Variants in ANO3 observed in about 807,000 individuals in gnomAD.
ANO3 encodes the protein anoctamin-3.
Under a neutral mutation model 144.8 loss-of-function variants are expected in ANO3, and 99 were observed. The ratio of observed to expected loss-of-function variants is 0.68; its 90% CI spans 0.58 to 0.81. ANO3 has a LOEUF of 0.81. Ranked by LOEUF, ANO3 falls within the 30% of genes least tolerant of loss-of-function variation. The probability of loss-of-function intolerance (pLI) is 0.00; values close to 1 mark genes in which losing one functional copy is unlikely to be tolerated. For missense variants in ANO3, 905 were observed against 1,202.2 expected (o/e 0.75, Z 3.66); for synonymous variants, 414 against 392.6 (o/e 1.05, Z -0.64).
intron 13 of ANO3, among the ~76,000 whole-genome samples, chr11:26,556,857 A>C (rs1850096536): frequency 6.6e-6 from 1 of 152,110 alleles, no homozygotes; most frequent in South Asian, 2.1e-4. Flanking sequence ...CCAAGGAGGC[A>C]CCTTGTTCTC....
intron 14 of ANO3, chr11:26,561,156 G>A (rs777133919): frequency 1.2e-5 from 19 of 1,612,682 alleles, no homozygotes; most frequent in Non-Finnish European, 1.5e-5. Flanking sequence ...ATCATTCAAA[G>A]TTGGATTGTA....
At chr11:26,476,353 G>A (rs1859968739) in intron 4 of ANO3, among the ~76,000 whole-genome samples, 1 of 152,072 alleles carries the variant, frequency 6.6e-6, no homozygotes, top group African/African-American at 2.4e-5. Context: ...AGCAAGAAAT[G>A]AAAGATGAGA....
At chr11:26,251,855 T>C (rs1852935614) in intron 1 of ANO3, among the ~76,000 whole-genome samples, 1 of 152,166 alleles carries the variant, frequency 6.6e-6, no homozygotes, top group African/African-American at 2.4e-5. Flanking sequence ...GCAGACAGCA[T>C]GGGGGAAACT....
intron 4 of ANO3, among the ~76,000 whole-genome samples, chr11:26,465,090 G>T (rs2134061114): frequency 1.3e-5 from 2 of 150,294 alleles, no homozygotes; most frequent in South Asian, 4.2e-4. Flanking sequence ...TTATAAATTT[G>T]TTGGCCTTTC....
At chr11:26,464,296 G>T (rs1859521159) in intron 4 of ANO3, among the ~76,000 whole-genome samples, 1 of 151,690 alleles carries the variant, frequency 6.6e-6, no homozygotes, top group African/African-American at 2.4e-5. Flanking sequence ...TCTTTCTATG[G>T]TTACTAAATC....
chr11:26,316,699 G>A (rs940872200), intron 1 of ANO3, among the ~76,000 whole-genome samples: 4 of 152,092 alleles, frequency 2.6e-5, no homozygotes, highest in Non-Finnish European at 5.9e-5. Flanking sequence ...ATATGAACAG[G>A]TGCCCCCTCA....
rs187361056 is a variant in ANO3, at chr11:26,420,846, A to G, written c.47-21072A>G. ...AATTAACCATCTGTATTCTACCAGGACTCTCTTACAATGGGCATTATTTTT... is the reference window on the plus strand; with the variant it reads ...AATTAACCATCTGTATTCTACCAGGGCTCTCTTACAATGGGCATTATTTTT... On this transcript the variant is annotated intron_variant, in intron 1 of 26. Transcript: ENST00000256737. Among the ~76,000 whole-genome samples, 784 of 152,108 alleles carry G rather than the reference A, an allele frequency of 5.2e-3. 1 individual carries two copies. Among genetic ancestry groups the G allele is most frequent in the Middle Eastern group, 0.014 (4 of 294 alleles).
chr11:26,312,970 T>C (rs573041920), intron 1 of ANO3, among the ~76,000 whole-genome samples: 2 of 152,348 alleles, frequency 1.3e-5, no homozygotes, highest in East Asian at 3.9e-4. Flanking sequence ...GGAAATTCTG[T>C]TTAAATGAAT....
intron 17 of ANO3, among the ~76,000 whole-genome samples, chr11:26,606,133 T>G (rs573741090): frequency 1.3e-5 from 2 of 152,230 alleles, no homozygotes; most frequent in Non-Finnish European, 2.9e-5. Context: ...TCTTGTATGT[T>G]GTGTCTTTGT....
chr11:26,534,540 T>C lies in ANO3; in HGVS notation c.954T>C (p.Tyr318=). 2 of 1,612,046 alleles carry C rather than the reference T, an allele frequency of 1.2e-6. No individual in the cohort carries two copies. The highest frequency in any genetic ancestry group is 2.2e-5 in the East Asian group (1 of 44,760). Residue 318 remains tyrosine, a synonymous_variant, in exon 9 of 27, where the codon TAT becomes TAC. Coordinates refer to ENST00000256737, the MANE Select transcript of ANO3 (RefSeq NM_031418.4). ...ATCACATGCTGGAACGCACCAAATA[T>C]GAAAATGGAATATCAAAAGTGGGTA... ...IVYHMLERTK[Y]ENGISKVGIR...
Position 26,634,285 on chromosome 11 carries a change from C to G in ANO3, c.1955C>G (p.Ser652Cys). The change falls in exon 19 of 27, where the codon TCC becomes TGC. Residue 652 changes from serine (S) to cysteine (C), a missense_variant. Ser to Cys is a moderately radical substitution (Grantham distance 112, BLOSUM62 -1). This residue lies in a region of ANO3 where 597 missense variants were observed against 865.1 expected (regional missense o/e 0.69). Transcript: ENST00000256737. ...TTCCAGTTTGTCAATTTAAACAGTT[C>G]CATCTTCTATATCGCTTTCTTTTTG... ...FLFQFVNLNS[S>C]IFYIAFFLGR... is the part of the protein sequence containing the mutation. The G allele has an allele frequency of 6.2e-7, 1 of 1,613,258 alleles. No homozygotes were observed. Among genetic ancestry groups the G allele is most frequent in the Non-Finnish European group, 8.5e-7 (1 of 1,179,386 alleles).
In ANO3 at chr11:26,647,701, C is replaced by T. The variant is rs372599109; in HGVS notation, c.2429-8C>T. ...TTTGTTCACCATGATTAATCTTTCT[C>T]TTACCAGGTATCTGGCTTGGAATTC... On this transcript the variant is annotated splice_region_variant and splice_polypyrimidine_tract_variant and intron_variant, in intron 23 of 26. Coordinates refer to ENST00000256737, the MANE Select transcript of ANO3 (RefSeq NM_031418.4). 1.4e-5 allele frequency: 22 copies of T among 1,595,524 alleles called. No individual in the cohort carries two copies. The highest frequency in any genetic ancestry group is 1.3e-5 in the Non-Finnish European group (15 of 1,167,892).
chr11:26,487,427 T>G (rs1199254004), intron 4 of ANO3, among the ~76,000 whole-genome samples: 1 of 152,220 alleles, frequency 6.6e-6, no homozygotes, highest in African/African-American at 2.4e-5. Context: ...TGTGTGCCTT[T>G]ATCAGCAGTT....
rs888906984 is a variant in ANO3 at position 26,193,302 on chromosome 11, C to T, written c.154+3972C>T. Among the ~76,000 whole-genome samples the T allele has an allele frequency of 1.3e-4, 20 of 151,926 alleles. No individual in the cohort carries two copies. In the East Asian group the frequency reaches 2.5e-3, roughly 19 times the overall value. On this transcript the variant is annotated intron_variant, in intron 1 of 27. Coordinates refer to the ANO3 transcript ENST00000672621. ...GATTGCAGGCATGCACCACCACGCC[C>T]GGCTAATTTTTGTATTTTTACTAGA...
At chr11:26,199,466 G>A (rs949230780) in intron 1 of ANO3, among the ~76,000 whole-genome samples, 2 of 152,018 alleles carry the variant, frequency 1.3e-5, no homozygotes, top group African/African-American at 4.8e-5. Context: ...AATTCACGTG[G>A]GTCTTTTATG....
intron 1 of ANO3, among the ~76,000 whole-genome samples, chr11:26,439,323 T>C (rs1009695581): frequency 1.3e-5 from 2 of 152,104 alleles, no homozygotes; most frequent in African/African-American, 2.4e-5. Context: ...AATAGATAAA[T>C]TGAACTTTAT....
chr11:26,303,635 A>G (rs1854288616), intron 1 of ANO3, among the ~76,000 whole-genome samples: 1 of 152,216 alleles, frequency 6.6e-6, no homozygotes, highest in Admixed American at 6.5e-5. Flanking sequence ...CCATATCCCA[A>G]ACCTCAGCAT....
intron 1 of ANO3, among the ~76,000 whole-genome samples, chr11:26,195,973 C>G (rs1294407668): frequency 1.3e-4 from 20 of 152,078 alleles, no homozygotes; most frequent in Admixed American, 1.3e-3. Context: ...AGATGTTGCC[C>G]CATTTCTTTT....
chr11:26,251,125 C>T (rs1852918573), intron 1 of ANO3, among the ~76,000 whole-genome samples: 1 of 152,152 alleles, frequency 6.6e-6, no homozygotes, highest in Non-Finnish European at 1.5e-5. Flanking sequence ...GCTTTCACAC[C>T]ATTGCAAAGT....
Sources: gnomAD v4.1 joint callset for allele counts (sites outside exome capture counted in the v4.1 genomes callset) on GRCh38, gnomAD v4.1.1 for gene constraint, gnomAD v4.1.1 regional missense constraint, MANE v1.5 for transcripts, NCBI Gene and HGNC (gene_info 2026-07-23, HGNC 2026-07-21) for gene names.